Variants in KCTD16 observed in about 807,000 individuals in gnomAD.
KCTD16 encodes BTB/POZ domain-containing protein KCTD16.
A neutral mutation model predicts 33.2 loss-of-function variants in KCTD16; 13 were observed. That is an observed-to-expected ratio of 0.39 (90% CI 0.25 to 0.62). The LOEUF (loss-of-function observed/expected upper bound fraction) is 0.62. Among genes scored for constraint, KCTD16 ranks in the 20% least tolerant of loss-of-function variants. The probability of loss-of-function intolerance (pLI) is 0.50; values close to 1 mark genes in which losing one functional copy is unlikely to be tolerated. For missense variants in KCTD16, 441 were observed against 525.1 expected (o/e 0.84, Z 1.57); for synonymous variants, 197 against 195.3 (o/e 1.01, Z -0.07).
chr5:144,204,070 C>T (rs1753105266), intron 2 of KCTD16, among the ~76,000 whole-genome samples: 2 of 152,152 alleles, frequency 1.3e-5, no homozygotes, highest in Admixed American at 6.5e-5. Flanking sequence ...TGTTAGCTAA[C>T]GCTCTGAATA....
At chr5:144,376,060 A>C (rs1020015006) in intron 3 of KCTD16, among the ~76,000 whole-genome samples, 16 of 152,020 alleles carry the variant, frequency 1.1e-4, no homozygotes, top group Non-Finnish European at 1.6e-4. Flanking sequence ...CCTGAGCTCA[A>C]GTGATTGGTC....
At chr5:144,273,935 TTTATG>T (rs1190569037) in intron 3 of KCTD16, among the ~76,000 whole-genome samples, 1 of 151,454 alleles carries the variant, frequency 6.6e-6, no homozygotes, top group African/African-American at 2.4e-5. Flanking sequence ...AATGGTAAAC[TTTATG>T]TTATGTGTAT....
At chr5:144,195,348 T>C (rs1042129364) in intron 2 of KCTD16, among the ~76,000 whole-genome samples, 3 of 152,244 alleles carry the variant, frequency 2.0e-5, no homozygotes, top group Non-Finnish European at 4.4e-5. Flanking sequence ...AGGCAACAAA[T>C]GTCTGCTGAT....
intron 3 of KCTD16, chr5:144,384,251 T>A (rs186182609): frequency 6.2e-4 from 94 of 152,322 alleles, no homozygotes; most frequent in African/African-American, 2.2e-3. Context: ...TTCCTTGTAA[T>A]GGATAGACAA....
intron 3 of KCTD16, among the ~76,000 whole-genome samples, chr5:144,414,608 G>T (rs765060003): frequency 2.6e-4 from 40 of 152,146 alleles, no homozygotes; most frequent in Non-Finnish European, 5.7e-4. Flanking sequence ...AGAATATCTT[G>T]CTGGTACATG....
intron 2 of KCTD16, among the ~76,000 whole-genome samples, chr5:144,190,869 C>T (rs1039203425): frequency 6.6e-6 from 1 of 152,190 alleles, no homozygotes; most frequent in African/African-American, 2.4e-5. Flanking sequence ...CAATGCCTAG[C>T]ATGTGGAACA....
At chr5:144,218,856 C>T (rs571595149) in intron 3 of KCTD16, among the ~76,000 whole-genome samples, 1 of 152,214 alleles carries the variant, frequency 6.6e-6, no homozygotes, top group Admixed American at 6.5e-5. Flanking sequence ...ATTAATAATA[C>T]CACATTTTAA....
chr5:144,289,837 A>G (rs1006822283), intron 3 of KCTD16, among the ~76,000 whole-genome samples: 1 of 152,206 alleles, frequency 6.6e-6, no homozygotes, highest in African/African-American at 2.4e-5. Flanking sequence ...GCAAAATATT[A>G]TAAATTAAAC....
chr5:144,230,395 T>G (rs1027438402), intron 3 of KCTD16, among the ~76,000 whole-genome samples: 2 of 152,190 alleles, frequency 1.3e-5, no homozygotes, highest in African/African-American at 4.8e-5. Context: ...TATCTCAAAC[T>G]TAATGTAATT....
intron 3 of KCTD16, among the ~76,000 whole-genome samples, chr5:144,447,857 C>T (rs1035960804): frequency 3.3e-5 from 5 of 152,030 alleles, no homozygotes; most frequent in African/African-American, 1.2e-4. Flanking sequence ...CAACTTTGCT[C>T]TCTATTGGAA....
chr5:144,424,603 G>A (rs1241423916), intron 3 of KCTD16, among the ~76,000 whole-genome samples: 2 of 152,148 alleles, frequency 1.3e-5, no homozygotes, highest in African/African-American at 4.8e-5. Flanking sequence ...CTTTAAAAGA[G>A]TAGAAGTTTA....
intron 3 of KCTD16, among the ~76,000 whole-genome samples, chr5:144,246,010 T>A (rs1271168409): frequency 6.6e-6 from 1 of 152,190 alleles, no homozygotes; most frequent in Non-Finnish European, 1.5e-5. Flanking sequence ...CAGGGCTTTT[T>A]GGGCTATGGT....
intron 3 of KCTD16, among the ~76,000 whole-genome samples, chr5:144,314,133 AT>A (rs758160404): frequency 6.6e-6 from 1 of 152,180 alleles, no homozygotes; most frequent in East Asian, 1.9e-4. Flanking sequence ...CCTCACTTTC[AT>A]TTCACTTAGA....
At chr5:144,444,305 A>G (rs1351791135) in intron 3 of KCTD16, among the ~76,000 whole-genome samples, 2 of 150,962 alleles carry the variant, frequency 1.3e-5, no homozygotes, top group African/African-American at 4.9e-5. Context: ...CTTCTATATT[A>G]CAGTTGGGTT....
At chr5:144,253,649 C>A in intron 3 of KCTD16, among the ~76,000 whole-genome samples, 1 of 151,984 alleles carries the variant, frequency 6.6e-6, no homozygotes, top group East Asian at 1.9e-4. Context: ...AAAAGAATAC[C>A]GTTTTGGGCA....
Position 144,317,394 on chromosome 5 carries a change from G to A in KCTD16, c.832+109848G>A, listed in dbSNP as rs568851499. ...GTGGTCTATATACCACCTGCTATCG[G>A]AAATCACCTAGCTACTTATTCAACA... On this transcript the variant is annotated intron_variant, in intron 3 of 3. Coordinates refer to ENST00000512467, the MANE Select transcript of KCTD16 (RefSeq NM_020768.4). Among the ~76,000 whole-genome samples the A allele has an allele frequency of 2.6e-5, 4 of 152,236 alleles. No individual in the cohort carries two copies. In the East Asian group the frequency reaches 7.7e-4, roughly 29 times the overall value.
chr5:144,325,063 T>G (rs1449339550), intron 3 of KCTD16, among the ~76,000 whole-genome samples: 1 of 152,242 alleles, frequency 6.6e-6, no homozygotes, highest in Non-Finnish European at 1.5e-5. Flanking sequence ...CCCACACATG[T>G]ATCCCGGAGC....
At chr5:144,448,028 T>C (rs1753859820) in intron 3 of KCTD16, among the ~76,000 whole-genome samples, 1 of 151,168 alleles carries the variant, frequency 6.6e-6, no homozygotes, top group Non-Finnish European at 1.5e-5. Context: ...CAATCTGATC[T>C]GGCTCTTTTC....
At chr5:144,306,390 C>T (rs538461353) in intron 3 of KCTD16, among the ~76,000 whole-genome samples, 8 of 152,332 alleles carry the variant, frequency 5.3e-5, no homozygotes, top group Admixed American at 3.3e-4. Flanking sequence ...CCCTTCCCCA[C>T]GACCCCCACT....
Sources: gnomAD v4.1 joint callset for allele counts (sites outside exome capture counted in the v4.1 genomes callset) on GRCh38, gnomAD v4.1.1 for gene constraint, MANE v1.5 for transcripts, NCBI Gene and HGNC (gene_info 2026-07-23, HGNC 2026-07-21) for gene names.